The following ALG6 variants were observed in gnomAD, a reference collection of about 807,000 sequenced individuals.
The protein encoded by ALG6 is dolichyl pyrophosphate Man9GlcNAc2 alpha-1,3-glucosyltransferase.
Under a neutral mutation model 66.6 loss-of-function variants are expected in ALG6, and 46 were observed. The ratio of observed to expected loss-of-function variants is 0.69; its 90% CI spans 0.55 to 0.88. The LOEUF (loss-of-function observed/expected upper bound fraction) is 0.88, where lower values mean the gene tolerates loss of function less well. Among genes scored for constraint, ALG6 ranks in the 40% least tolerant of loss-of-function variants. ALG6 has a pLI of 0.00. For synonymous variants in ALG6, 185 were observed against 203.7 expected (o/e 0.91, Z 0.78); for missense variants, 505 against 586.8 (o/e 0.86, Z 1.44).
intron 11 of ALG6, among the ~76,000 whole-genome samples, chr1:63,416,641 T>G (rs1292972439): frequency 6.6e-6 from 1 of 152,130 alleles, no homozygotes; most frequent in Admixed American, 6.6e-5. Flanking sequence ...CAAGAGAAAC[T>G]AAAAAATATT....
chr1:63,390,190 C>T (rs763561235), intron 2 of ALG6, among the ~76,000 whole-genome samples: 24 of 152,114 alleles, frequency 1.6e-4, no homozygotes, highest in Non-Finnish European at 2.2e-4. Flanking sequence ...AGTCCACAGC[C>T]TATGTTGGGT....
intron 12 of ALG6, among the ~76,000 whole-genome samples, chr1:63,424,953 A>G (rs1644607416): frequency 6.6e-6 from 1 of 151,760 alleles, no homozygotes; most frequent in Non-Finnish European, 1.5e-5. Context: ...TAATTTTTGT[A>G]TTTTTAGTAG....
intron 2 of ALG6, among the ~76,000 whole-genome samples, chr1:63,387,651 T>C (rs1007655020): frequency 6.7e-6 from 1 of 148,512 alleles, no homozygotes; most frequent in Non-Finnish European, 1.5e-5. Flanking sequence ...CAAGTGATTC[T>C]CCTGCCTCAG....
chr1:63,373,944 A>G (rs191051867), intron 2 of ALG6, among the ~76,000 whole-genome samples: 390 of 152,276 alleles, frequency 2.6e-3, no homozygotes, highest in Non-Finnish European at 4.6e-3. Flanking sequence ...CTGGCTTAAT[A>G]TAGTTTCTCT....
intron 11 of ALG6, among the ~76,000 whole-genome samples, chr1:63,417,505 A>G (rs536755631): frequency 6.6e-6 from 1 of 152,258 alleles, no homozygotes; most frequent in African/African-American, 2.4e-5. Context: ...TATACTTCTG[A>G]GAGTTTTAAG....
rs772875976 is a variant in ALG6, at chr1:63,419,325, T to G, written c.988-45T>G. ...ATTCTATAATTAACTTGATATGCTATTTCACAAGTTGTTATATCTCATTTC... is the reference window on the plus strand; with the variant it reads ...ATTCTATAATTAACTTGATATGCTAGTTCACAAGTTGTTATATCTCATTTC... On this transcript the variant is annotated intron_variant, in intron 11 of 14. Coordinates refer to ENST00000263440, the MANE Select transcript of ALG6 (RefSeq NM_013339.4). 38 of 1,391,244 alleles carry G rather than the reference T, an allele frequency of 2.7e-5. 1 individual carries two copies. The Middle Eastern group carries it at 8.9e-4, about 32-fold the overall frequency. 86.2% of individuals were successfully genotyped at this position (1,391,244 alleles called of 1,614,324 possible). A position where few individuals can be genotyped will look rare whatever the true frequency, so the allele number is the denominator to read the frequency against.
chr1:63,382,562 C>G (rs930168874), intron 2 of ALG6, among the ~76,000 whole-genome samples: 4 of 151,976 alleles, frequency 2.6e-5, no homozygotes, highest in Admixed American at 6.6e-5. Context: ...GCAACTCTGC[C>G]TCCCGAGTTC....
At chr1:63,408,298 TTTTG>T (rs1644500092) in intron 7 of ALG6, among the ~76,000 whole-genome samples, 1 of 152,170 alleles carries the variant, frequency 6.6e-6, no homozygotes, top group Non-Finnish European at 1.5e-5. Context: ...GGGCTGAACA[TTTTG>T]TTTATGAGAT....
chr1:63,426,300 A>G (rs1262862851), intron 12 of ALG6, among the ~76,000 whole-genome samples: 1 of 152,144 alleles, frequency 6.6e-6, no homozygotes, highest in Non-Finnish European at 1.5e-5. Flanking sequence ...ACTTCCCACC[A>G]TCAGGCCAAG....
At position 63,411,349 on chromosome 1, in the gene ALG6, A is replaced by C; in HGVS notation, c.680+18A>C. On this transcript the variant is annotated intron_variant, in intron 8 of 14. Coordinates refer to ENST00000263440, the MANE Select transcript of ALG6 (RefSeq NM_013339.4). ...GGAAAGGGGTGAGTGACTTTTAAACACTAGAATCCAAAAATTTACTTCAGA... is the reference window on the plus strand; with the variant it reads ...GGAAAGGGGTGAGTGACTTTTAAACCCTAGAATCCAAAAATTTACTTCAGA... The C allele has an allele frequency of 6.2e-7, 1 of 1,607,410 alleles. No homozygotes were observed. The highest frequency in any genetic ancestry group is 8.5e-7 in the Non-Finnish European group (1 of 1,176,978).
At chr1:63,376,169 A>G (rs572545204) in intron 2 of ALG6, among the ~76,000 whole-genome samples, 178 of 152,328 alleles carry the variant, frequency 1.2e-3, no homozygotes, top group African/African-American at 4.1e-3. Context: ...TGTACATTAT[A>G]GCCTATTGCT....
intron 2 of ALG6, among the ~76,000 whole-genome samples, chr1:63,373,138 C>T (rs1415842421): frequency 6.6e-6 from 1 of 151,902 alleles, no homozygotes; most frequent in Non-Finnish European, 1.5e-5. Context: ...TACCAAGTAG[C>T]TGGAAATACA....
intron 2 of ALG6, among the ~76,000 whole-genome samples, chr1:63,393,220 A>G (rs984572839): frequency 6.6e-6 from 1 of 152,168 alleles, no homozygotes; most frequent in African/African-American, 2.4e-5. Flanking sequence ...CCTGCCCCCA[A>G]TCCCGCCACC....
intron 5 of ALG6, 67 bp from the exon 6 acceptor site, chr1:63,406,250 A>AG: frequency 7.5e-7 from 1 of 1,334,150 alleles, no homozygotes. Flanking sequence ...GGAGGAAGGG[A>AG]GGCAGTTAAT....
At chr1:63,423,581 G>T (rs755290274) in intron 12 of ALG6, among the ~76,000 whole-genome samples, 5 of 152,058 alleles carry the variant, frequency 3.3e-5, no homozygotes, top group African/African-American at 1.2e-4. Context: ...GTCTATTCTG[G>T]ATATTTTATA....
intron 12 of ALG6, among the ~76,000 whole-genome samples, chr1:63,427,580 T>C (rs542136867): frequency 3.9e-5 from 6 of 152,252 alleles, no homozygotes; most frequent in Non-Finnish European, 5.9e-5. Context: ...CAGGGTATTA[T>C]TATTATTTCC....
chr1:63,395,694 CA>C (rs927624485), intron 2 of ALG6, among the ~76,000 whole-genome samples: 1 of 151,106 alleles, frequency 6.6e-6, no homozygotes, highest in Non-Finnish European at 1.5e-5. Flanking sequence ...GACTCTGTCT[CA>C]AAAAAAAGTC....
chr1:63,381,270 C>T (rs1239693517), intron 2 of ALG6, among the ~76,000 whole-genome samples: 5 of 152,066 alleles, frequency 3.3e-5, no homozygotes, highest in Middle Eastern at 3.2e-3. Flanking sequence ...CTGGCTAACA[C>T]GGTGAAACCC....
intron 2 of ALG6, among the ~76,000 whole-genome samples, chr1:63,373,065 T>G (rs1223323988): frequency 6.6e-6 from 1 of 152,076 alleles, no homozygotes; most frequent in Non-Finnish European, 1.5e-5. Context: ...TAAAGTGCAG[T>G]GGCACAATGT....
Sources: allele counts gnomAD v4.1 joint callset (sites outside exome capture counted in the v4.1 genomes callset), GRCh38; gene constraint gnomAD v4.1.1; transcripts MANE v1.5; gene names NCBI Gene and HGNC (gene_info 2026-07-23, HGNC 2026-07-21).